RAB3C: variants seen among roughly 807,000 people sequenced by gnomAD.
RAB3C encodes the protein ras-related protein Rab-3C.
A neutral mutation model predicts 26.4 loss-of-function variants in RAB3C; 17 were observed. The ratio of observed to expected loss-of-function variants is 0.64; its 90% confidence interval spans 0.44 to 0.97. The LOEUF is 0.97. RAB3C is among the 50% of genes least tolerant of loss of function. The probability of loss-of-function intolerance (pLI) is 0.00; values close to 1 mark genes in which losing one functional copy is unlikely to be tolerated. For missense variants in RAB3C, 242 were observed against 281.9 expected (o/e 0.86, Z 1.01); for synonymous variants, 91 against 95.9 (o/e 0.95, Z 0.30).
In RAB3C at chr5:58,816,298, C is replaced by A. The variant is rs566979654; in HGVS notation, c.372-8740C>A. ...CAATAAAAGGTCTGTGTTCAAGCCA[C>A]CTACCATTATGGGTTACCAGAGCTT... On this transcript the variant is annotated intron_variant, in intron 3 of 4. Coordinates refer to ENST00000282878, the MANE Select transcript of RAB3C (RefSeq NM_138453.4). Among the ~76,000 whole-genome samples the A allele has an allele frequency of 1.2e-4, 18 of 152,242 alleles. No homozygotes were observed. The South Asian group carries it at 3.5e-3, about 30-fold the overall frequency.
Position 58,690,899 on chromosome 5 carries a change from A to G in RAB3C, c.253-35103A>G, listed in dbSNP as rs114909295. Reference sequence around the variant, plus strand: ...ATAACTAATAAGATTTGTAATAACTAATAAATCCAGTTACCACATTTAAAA... The same window carrying G: ...ATAACTAATAAGATTTGTAATAACTGATAAATCCAGTTACCACATTTAAAA... On this transcript the variant is annotated intron_variant, in intron 2 of 4. Coordinates refer to ENST00000282878, the MANE Select transcript of RAB3C (RefSeq NM_138453.4). 5.9e-3 allele frequency among the ~76,000 whole-genome samples: 902 copies of G among 152,288 alleles called. 16 individuals are homozygous for G. The highest frequency in any genetic ancestry group is 0.02 in the African/African-American group (839 of 41,570).
intron 2 of RAB3C, among the ~76,000 whole-genome samples, chr5:58,677,203 C>A (rs1200804084): frequency 6.6e-6 from 1 of 152,132 alleles, no homozygotes; most frequent in Non-Finnish European, 1.5e-5. Flanking sequence ...GGATTAAGGA[C>A]CCATCCTACT....
At chr5:58,737,561 G>T (rs955396392) in intron 3 of RAB3C, among the ~76,000 whole-genome samples, 1 of 151,248 alleles carries the variant, frequency 6.6e-6, no homozygotes, top group Admixed American at 6.6e-5. Flanking sequence ...GCCTAGAATA[G>T]TCCCTGGCAT....
intron 4 of RAB3C, 108 bp downstream of exon 4, chr5:58,825,270 A>G: frequency 9.2e-6 from 11 of 1,202,070 alleles, no homozygotes; most frequent in Non-Finnish European, 1.2e-5. Flanking sequence ...AATGTTTGTC[A>G]ATCTAAGAGT....
chr5:58,818,722 T>A (rs1323544872), intron 3 of RAB3C, among the ~76,000 whole-genome samples: 3 of 152,202 alleles, frequency 2.0e-5, no homozygotes, highest in African/African-American at 7.2e-5. Flanking sequence ...ATGTATACTG[T>A]TTGGTGACAG....
intron 1 of RAB3C, among the ~76,000 whole-genome samples, chr5:58,605,638 C>T (rs1019696451): frequency 2.4e-4 from 36 of 152,264 alleles, no homozygotes; most frequent in African/African-American, 8.7e-4. Context: ...TGGCTCACAC[C>T]TGTAATCCTA....
At chr5:58,756,387 C>CACATAT (rs1554051248) in intron 3 of RAB3C, among the ~76,000 whole-genome samples, 1 of 132,066 alleles carries the variant, frequency 7.6e-6, no homozygotes, top group Non-Finnish European at 1.6e-5. Context: ...TACTATATAA[C>CACATAT]ATATATATAT....
intron 2 of RAB3C, among the ~76,000 whole-genome samples, chr5:58,684,112 T>C (rs1363175271): frequency 6.6e-6 from 1 of 152,156 alleles, no homozygotes; most frequent in African/African-American, 2.4e-5. Flanking sequence ...GCACTGAACA[T>C]GTACAGACTT....
chr5:58,596,955 CATAAT>C (rs1746295945), intron 1 of RAB3C, among the ~76,000 whole-genome samples: 1 of 83,052 alleles, frequency 1.2e-5, no homozygotes, highest in Non-Finnish European at 2.0e-5. Context: ...TAATATGATA[CATAAT>C]ATATTACATA....
intron 3 of RAB3C, among the ~76,000 whole-genome samples, chr5:58,770,432 C>T (rs908458365): frequency 3.3e-5 from 5 of 152,134 alleles, no homozygotes; most frequent in African/African-American, 1.2e-4. Flanking sequence ...TGGCCTACCT[C>T]TTCCCCTCAG....
At chr5:58,595,865 C>T (rs372509516) in intron 1 of RAB3C, among the ~76,000 whole-genome samples, 3 of 152,050 alleles carry the variant, frequency 2.0e-5, no homozygotes, top group East Asian at 3.9e-4. Context: ...AAGTTTTGAA[C>T]GATTCTTTAC....
chr5:58,582,823 T>C (rs1745927685), upstream of RAB3C, among the ~76,000 whole-genome samples: 2 of 152,206 alleles, frequency 1.3e-5, no homozygotes, highest in African/African-American at 4.8e-5. Flanking sequence ...CACATTCGCC[T>C]GCCCCTGGCG....
intron 2 of RAB3C, among the ~76,000 whole-genome samples, chr5:58,684,014 T>C (rs868758973): frequency 7.2e-5 from 11 of 152,194 alleles, no homozygotes; most frequent in African/African-American, 2.7e-4. Flanking sequence ...AGGAAAAATA[T>C]AGTACAGCCA....
At chr5:58,657,827 T>C (rs1239820461) in intron 2 of RAB3C, among the ~76,000 whole-genome samples, 2 of 152,240 alleles carry the variant, frequency 1.3e-5, no homozygotes, top group Non-Finnish European at 2.9e-5. Context: ...ACTGCTGTTG[T>C]TTGTCCATGC....
chr5:58,702,527 G>T (rs987945198), intron 2 of RAB3C, among the ~76,000 whole-genome samples: 14 of 151,958 alleles, frequency 9.2e-5, no homozygotes, highest in African/African-American at 3.4e-4. Context: ...CTCCCGTATT[G>T]TCTCTGTTAT....
intron 1 of RAB3C, among the ~76,000 whole-genome samples, chr5:58,598,527 C>T (rs1299688592): frequency 6.6e-6 from 1 of 152,036 alleles, no homozygotes; most frequent in African/African-American, 2.4e-5. Flanking sequence ...ATTCCACTTG[C>T]TCTTAAGGAT....
At chr5:58,830,541 G>T (rs1425181297) in intron 4 of RAB3C, among the ~76,000 whole-genome samples, 1 of 152,288 alleles carries the variant, frequency 6.6e-6, no homozygotes, top group Non-Finnish European at 1.5e-5. Flanking sequence ...TAAGAACCAT[G>T]CTCTTGATTT....
chr5:58,772,721 T>A (rs1201465504), intron 3 of RAB3C, among the ~76,000 whole-genome samples: 1 of 152,216 alleles, frequency 6.6e-6, no homozygotes, highest in Admixed American at 6.6e-5. Context: ...GATGACTGCA[T>A]TTCAGCATAA....
intron 2 of RAB3C, among the ~76,000 whole-genome samples, chr5:58,630,394 T>C (rs1222164413): frequency 1.3e-5 from 2 of 152,162 alleles, no homozygotes; most frequent in African/African-American, 2.4e-5. Flanking sequence ...TAATGTATTA[T>C]AAATTAAAAT....
Sources: gnomAD v4.1 joint callset for allele counts (sites outside exome capture counted in the v4.1 genomes callset) on GRCh38, gnomAD v4.1.1 for gene constraint, MANE v1.5 for transcripts, NCBI Gene and HGNC (gene_info 2026-07-23, HGNC 2026-07-21) for gene names.